RAPGEF5: variants seen among roughly 807,000 people sequenced by gnomAD.
RAPGEF5 encodes the protein Rap guanine nucleotide exchange factor 5.
Under a neutral mutation model 125.2 loss-of-function variants are expected in RAPGEF5, and 65 were observed. The observed-to-expected ratio is 0.52, with a 90% CI of 0.43 to 0.64. The LOEUF is 0.64. Among genes scored for constraint, RAPGEF5 ranks in the 30% least tolerant of loss-of-function variants. RAPGEF5 has a pLI of 0.00. For missense variants in RAPGEF5, 958 were observed against 1,048.1 expected (o/e 0.91, Z 1.19); for synonymous variants, 391 against 385.9 (o/e 1.01, Z -0.16).
chr7:22,248,452 T>C (rs1786535037), intron 7 of RAPGEF5, among the ~76,000 whole-genome samples: 1 of 152,128 alleles, frequency 6.6e-6, no homozygotes, highest in Admixed American at 6.5e-5. Flanking sequence ...CCAGACTGGG[T>C]GTGTTGCTGT....
chr7:22,252,108 G>A (rs919179852), intron 7 of RAPGEF5, among the ~76,000 whole-genome samples: 9 of 152,018 alleles, frequency 5.9e-5, no homozygotes, highest in Non-Finnish European at 1.2e-4. Context: ...CCTCTCCCCC[G>A]CCTTACACCC....
intron 7 of RAPGEF5, among the ~76,000 whole-genome samples, chr7:22,261,450 T>TA (rs1393868038): frequency 6.6e-6 from 1 of 151,348 alleles, no homozygotes; most frequent in African/African-American, 2.4e-5. Flanking sequence ...AATAAAAAAA[T>TA]AAAAAAAATT....
chr7:22,167,207 T>G (rs1784199340), intron 11 of RAPGEF5, 59 bp from the exon 12 acceptor site: 8 of 1,353,974 alleles, frequency 5.9e-6, no homozygotes, highest in Admixed American at 3.7e-5. Flanking sequence ...GAAGAGCAGC[T>G]GCTTATCTGG....
At chr7:22,293,319 C>T (rs1782976750) in intron 5 of RAPGEF5, among the ~76,000 whole-genome samples, 1 of 152,138 alleles carries the variant, frequency 6.6e-6, no homozygotes, top group Non-Finnish European at 1.5e-5. Context: ...CACTGAACTC[C>T]TCTCTTACCT....
At chr7:22,142,478 T>C (rs1417555004) in intron 20 of RAPGEF5, among the ~76,000 whole-genome samples, 1 of 152,210 alleles carries the variant, frequency 6.6e-6, no homozygotes, top group Non-Finnish European at 1.5e-5. Context: ...ACAATTTTCC[T>C]GGTCCATATA....
At chr7:22,268,121 G>C (rs1399613463) in intron 6 of RAPGEF5, among the ~76,000 whole-genome samples, 1 of 152,170 alleles carries the variant, frequency 6.6e-6, no homozygotes, top group Non-Finnish European at 1.5e-5. Flanking sequence ...CACTTTCCCT[G>C]ATGGGCTAAG....
intron 9 of RAPGEF5, among the ~76,000 whole-genome samples, chr7:22,195,503 C>A: frequency 6.6e-6 from 1 of 152,050 alleles, no homozygotes; most frequent in East Asian, 1.9e-4. Context: ...TATGTAAAAC[C>A]GATGTATTAC....
At chr7:22,151,524 T>C (rs4719686) in intron 17 of RAPGEF5, among the ~76,000 whole-genome samples, 145,596 of 149,182 alleles carry the variant, frequency 0.98, 71,059 homozygotes, top group East Asian at 0.99. Context: ...TGCACTAGTG[T>C]GATCTCGGCT....
chr7:22,310,598 G>C (rs985404489), intron 3 of RAPGEF5, among the ~76,000 whole-genome samples: 1 of 152,128 alleles, frequency 6.6e-6, no homozygotes, highest in South Asian at 2.1e-4. Context: ...TTTTTATCTA[G>C]TCCTTTTGAG....
chr7:22,290,636 T>C (rs974129232), intron 6 of RAPGEF5, among the ~76,000 whole-genome samples: 2 of 150,354 alleles, frequency 1.3e-5, no homozygotes, highest in Non-Finnish European at 3.0e-5. Context: ...TCCCAGCTAC[T>C]TGGGAGGCTG....
intron 9 of RAPGEF5, among the ~76,000 whole-genome samples, chr7:22,196,350 T>C (rs1279131982): frequency 6.6e-6 from 1 of 152,234 alleles, no homozygotes; most frequent in African/African-American, 2.4e-5. Flanking sequence ...AATTTTATTC[T>C]TGTGCTTGAT....
At chr7:22,241,399 G>A (rs1028781348) in intron 7 of RAPGEF5, among the ~76,000 whole-genome samples, 4 of 152,112 alleles carry the variant, frequency 2.6e-5, no homozygotes, top group African/African-American at 4.8e-5. Context: ...TAAATAAATA[G>A]AGGGGGCAGG....
At chr7:22,260,818 C>A (rs1409709388) in intron 7 of RAPGEF5, among the ~76,000 whole-genome samples, 1 of 152,070 alleles carries the variant, frequency 6.6e-6, no homozygotes, top group African/African-American at 2.4e-5. Context: ...CCACCCAATG[C>A]CCCACTCTCC....
At chr7:22,171,547 G>A (rs774261310) in intron 11 of RAPGEF5, among the ~76,000 whole-genome samples, 2 of 152,090 alleles carry the variant, frequency 1.3e-5, no homozygotes, top group Non-Finnish European at 2.9e-5. Flanking sequence ...TGCCTAGGCT[G>A]GAGTGCAGTG....
chr7:22,167,717 G>C lies in RAPGEF5; in HGVS notation c.1205-569C>G, dbSNP rs529849666. 5.9e-5 allele frequency among the ~76,000 whole-genome samples: 9 copies of C among 152,304 alleles called. No homozygotes were observed. In the East Asian group the frequency reaches 1.7e-3, roughly 29 times the overall value. On this transcript the variant is annotated intron_variant, in intron 11 of 25. Coordinates refer to ENST00000665637, the MANE Select transcript of RAPGEF5 (RefSeq NM_012294.5). ...TGAGTGATTTTCTTAGTCTTGAAGA[G>C]AGACAGAACTGAGTCCAGTTAAAAT...
intron 1 of RAPGEF5, among the ~76,000 whole-genome samples, chr7:22,334,634 T>A (rs1186936162): frequency 6.6e-6 from 1 of 152,252 alleles, no homozygotes; most frequent in Non-Finnish European, 1.5e-5. Flanking sequence ...ATAAGATCAC[T>A]TAGCAGTATG....
chr7:22,159,018 T>C (rs1184552078), intron 14 of RAPGEF5, among the ~76,000 whole-genome samples: 1 of 152,242 alleles, frequency 6.6e-6, no homozygotes, highest in Non-Finnish European at 1.5e-5. Flanking sequence ...GTATTAAATT[T>C]CCATTAATGT....
In RAPGEF5 at chr7:22,357,077, G is replaced by GGCGCCGGGGGCTCCTCTCCACC; in HGVS notation, c.-39_-18dup. On this transcript the variant is annotated 5_prime_UTR_variant, in exon 1 of 26. Transcript: ENST00000665637. ...CATCCTCATGCCCTGACGGCGCTGC[G>GGCGCCGGGGGCTCCTCTCCACC]GCGCCGGGGGCTCCTCTCCACCGCG... 9.7e-7 allele frequency: 1 copy of GGCGCCGGGGGCTCCTCTCCACC among 1,027,300 alleles called. No homozygotes were observed. Among genetic ancestry groups the GGCGCCGGGGGCTCCTCTCCACC allele is most frequent in the African/African-American group, 1.7e-5 (1 of 57,792 alleles). 63.6% of individuals were successfully genotyped at this position (1,027,300 alleles called of 1,614,324 possible). A position where few individuals can be genotyped will look rare whatever the true frequency, so the allele number is the denominator to read the frequency against.
intron 19 of RAPGEF5, among the ~76,000 whole-genome samples, chr7:22,146,436 T>A (rs886701115): frequency 6.6e-6 from 1 of 152,226 alleles, no homozygotes; most frequent in African/African-American, 2.4e-5. Context: ...ATATCCAAAA[T>A]TTTCAATAAA....
Sources: gnomAD v4.1 joint callset for allele counts (sites outside exome capture counted in the v4.1 genomes callset) on GRCh38, gnomAD v4.1.1 for gene constraint, MANE v1.5 for transcripts, NCBI Gene and HGNC (gene_info 2026-07-23, HGNC 2026-07-21) for gene names.